Variants in GSTM3 observed in about 807,000 individuals in gnomAD.
The protein encoded by GSTM3 is GST class-mu 3.
A neutral mutation model predicts 36.1 loss-of-function variants in GSTM3; 34 were observed. The observed-to-expected ratio is 0.94, with a 90% CI of 0.72 to 1.25. The LOEUF is 1.25. Among genes scored for constraint, GSTM3 ranks in the 50% most tolerant of loss-of-function variants. The probability of loss-of-function intolerance (pLI) is 0.00; values close to 1 mark genes in which losing one functional copy is unlikely to be tolerated. For synonymous variants in GSTM3, 102 were observed against 99.5 expected (o/e 1.03, Z -0.15); for missense variants, 266 against 281.6 (o/e 0.94, Z 0.40).
At position 109,736,993 on chromosome 1, in the gene GSTM3, T is replaced by C. The variant is rs1465777687; in HGVS notation, c.*78A>G. On this transcript the variant is annotated 3_prime_UTR_variant, in exon 9 of 9. Coordinates refer to ENST00000361066, the MANE Select transcript of GSTM3 (RefSeq NM_000849.5). ...ACACCAGTAACATAAGTGCTATTCA[T>C]TGAAAAGAGCAAAGCAAGAGCGCTG... 8 of 846,670 alleles carry C rather than the reference T, an allele frequency of 9.4e-6. No homozygotes were observed. Among genetic ancestry groups the C allele is most frequent in the Non-Finnish European group, 1.6e-5 (8 of 502,264 alleles). 52.4% of individuals were successfully genotyped at this position (846,670 alleles called of 1,614,324 possible).
chr1:109,737,089 G>T lies in GSTM3; in HGVS notation c.660C>A (p.Gly220=). The part of the protein sequence containing the change: ...MPINNKMAQW[G]NKPVC ...CTCCTGCTCAGCATACAGGCTTGTT[G>T]CCCCACTGGGCCATCTTGTTGTTGA... The change falls in exon 9 of 9, where the codon GGC becomes GGA. Residue 220 remains glycine (G), a synonymous_variant. Transcript: ENST00000361066. 1 of 1,609,516 alleles carries T rather than the reference G, an allele frequency of 6.2e-7. No homozygotes were observed. Among genetic ancestry groups the T allele is most frequent in the Non-Finnish European group, 8.5e-7 (1 of 1,175,766 alleles).
In GSTM3 at chr1:109,737,517, T is replaced by C. The variant is rs1649237207; in HGVS notation, c.519A>G (p.Ile173Met). ...LTYDILDQNR[I>M]FDPKCLDEFP... ...ACTCATCCAGGCACTTGGGGTCAAA[T>C]ATACGGTTCTGATCCAAGATATCAT... The change falls in exon 8 of 9, where the codon ATA becomes ATG. Residue 173 changes from isoleucine to methionine, a missense_variant. By Grantham distance (10) the Ile-to-Met change is conservative. Coordinates refer to ENST00000361066, the MANE Select transcript of GSTM3 (RefSeq NM_000849.5). The C allele has an allele frequency of 2.5e-6, 4 of 1,613,774 alleles. No homozygotes were observed. The highest frequency in any genetic ancestry group is 3.4e-6 in the Non-Finnish European group (4 of 1,179,782).
intron 3 of GSTM3, 115 bp downstream of exon 3, chr1:109,739,718 G>T (rs1649310461): frequency 1.2e-6 from 1 of 800,370 alleles, no homozygotes; most frequent in Non-Finnish European, 2.1e-6. Context: ...TATTCACCCA[G>T]ATTGGGGCAA....
intron 4 of GSTM3, 24 bp downstream of exon 4, chr1:109,739,405 G>A (rs770462521): frequency 2.5e-6 from 4 of 1,570,036 alleles, no homozygotes; most frequent in African/African-American, 2.7e-5. Flanking sequence ...CCTTCTGCCC[G>A]CCACCTCTAC....
rs1055259 is a variant in GSTM3, at chr1:109,734,239, T to C, written c.*2832A>G. 18,230 of 152,256 alleles carry C rather than the reference T, an allele frequency of 0.12. 1,195 individuals carry two copies. The highest frequency in any genetic ancestry group is 0.16 in the South Asian group (759 of 4,826). 9.4% of individuals were successfully genotyped at this position (152,256 alleles called of 1,614,324 possible). On this transcript the variant is annotated 3_prime_UTR_variant, in exon 9 of 9. Coordinates refer to ENST00000361066, the MANE Select transcript of GSTM3 (RefSeq NM_000849.5). ...AATGTCATGTTTAATGACATTATAA[T>C]GAGCTGGGTTAAATTAGGGACATTT...
intron 4 of GSTM3, 54 bp downstream of exon 4, chr1:109,739,375 G>T: frequency 8.3e-7 from 1 of 1,211,422 alleles, no homozygotes; most frequent in Non-Finnish European, 1.2e-6. Context: ...AGGCAAGGAT[G>T]GATATACTTG....
At chr1:109,740,081 G>A in intron 2 of GSTM3, 159 bp downstream of exon 2, 1 of 885,272 alleles carries the variant, frequency 1.1e-6, no homozygotes, top group Non-Finnish European at 1.8e-6. Context: ...CACAGGGCCC[G>A]CGATCCCAGA....
intron 4 of GSTM3, among the ~76,000 whole-genome samples, chr1:109,739,111 A>G (rs1649293833): frequency 6.6e-6 from 1 of 152,194 alleles, no homozygotes; most frequent in Non-Finnish European, 1.5e-5. Context: ...ACAGAGTGAG[A>G]CACTGTCTCA....
rs774505366 is a variant in GSTM3 at position 109,740,289 on chromosome 1, G to A, written c.-2C>T. 5.0e-6 allele frequency: 8 copies of A among 1,613,206 alleles called. No homozygotes were observed. Among genetic ancestry groups the A allele is most frequent in the South Asian group, 1.1e-5 (1 of 90,970 alleles). On this transcript the variant is annotated 5_prime_UTR_variant, in exon 2 of 9. Coordinates refer to ENST00000361066, the MANE Select transcript of GSTM3 (RefSeq NM_000849.5). ...AACCATAGACGACTCGCACGACATGGTGACGGGCTTCCGAGCCTTCGAGGA... is the reference window on the plus strand; with the variant it reads ...AACCATAGACGACTCGCACGACATGATGACGGGCTTCCGAGCCTTCGAGGA...
Position 109,736,807 on chromosome 1 carries a change from T to C in GSTM3, c.*264A>G. On this transcript the variant is annotated 3_prime_UTR_variant, in exon 9 of 9. Coordinates refer to ENST00000361066, the MANE Select transcript of GSTM3 (RefSeq NM_000849.5). ...TCTCCAACTGTGCAATCTCGTTTTT[T>C]CTAGTACCCACTCTCAGGGCTTGGG... The C allele has an allele frequency of 2.4e-6, 1 of 419,616 alleles. No homozygotes were observed. The allele number at this position is 419,616 out of a possible 1,614,324, so 26.0% of individuals were successfully genotyped here. A position where few individuals can be genotyped will look rare whatever the true frequency, so the allele number is the denominator to read the frequency against.
At position 109,736,888 on chromosome 1, in the gene GSTM3, G is replaced by A; in HGVS notation, c.*183C>T. On this transcript the variant is annotated 3_prime_UTR_variant, in exon 9 of 9. Transcript: ENST00000361066. ...GGAGTAGGGAAATGCCAGTATCGCA[G>A]CGATTCAATTCATATCTTGATGATT... 1 of 566,964 alleles carries A rather than the reference G, an allele frequency of 1.8e-6. No individual in the cohort carries two copies. Among genetic ancestry groups the A allele is most frequent in the Non-Finnish European group, 3.2e-6 (1 of 316,640 alleles). The allele number at this position is 566,964 out of a possible 1,614,324, so 35.1% of individuals were successfully genotyped here. A position where few individuals can be genotyped will look rare whatever the true frequency, so the allele number is the denominator to read the frequency against.
At position 109,740,273 on chromosome 1, in the gene GSTM3, C is replaced by T. The variant is rs1467155991; in HGVS notation, c.15G>A (p.Ser5=). 1 of 1,613,540 alleles carries T rather than the reference C, an allele frequency of 6.2e-7. No individual in the cohort carries two copies. ...TATCCCAGTACCCGAGAACCATAGA[C>T]GACTCGCACGACATGGTGACGGGCT... MSCE[S]SMVLGYWDIR... The change falls in exon 2 of 9, where the codon TCG becomes TCA. Residue 5 remains serine (S), a synonymous_variant. Coordinates refer to ENST00000361066, the MANE Select transcript of GSTM3 (RefSeq NM_000849.5).
At chr1:109,738,477 G>A in intron 4 of GSTM3, 111 bp from the exon 5 acceptor site, 1 of 708,680 alleles carries the variant, frequency 1.4e-6, no homozygotes, top group Non-Finnish European at 2.5e-6. Flanking sequence ...GTGAGAAGAT[G>A]CTGTGTTAGG....
chr1:109,737,027 C>A lies in GSTM3; in HGVS notation c.*44G>T, dbSNP rs762286709. ...GCAAAGCAAGAGCGCTGACCCCTTA[C>A]GGACAGGATGAAACAAAACAAGCTC... On this transcript the variant is annotated 3_prime_UTR_variant, in exon 9 of 9. Transcript: ENST00000361066. 8.2e-7 allele frequency: 1 copy of A among 1,224,360 alleles called. No homozygotes were observed. The allele number at this position is 1,224,360 out of a possible 1,614,324, so 75.8% of individuals were successfully genotyped here. A position where few individuals can be genotyped will look rare whatever the true frequency, so the allele number is the denominator to read the frequency against.
At chr1:109,740,027 C>A in intron 2 of GSTM3, 119 bp from the exon 3 acceptor site, 1 of 954,620 alleles carries the variant, frequency 1.0e-6, no homozygotes, top group East Asian at 2.6e-5. Flanking sequence ...GGTGGTTAAG[C>A]GGCCCCTAGG....
chr1:109,739,857 C>A lies in GSTM3; in HGVS notation c.100G>T (p.Glu34Ter). The A allele has an allele frequency of 6.4e-7, 1 of 1,553,858 alleles. No individual in the cohort carries two copies. Among genetic ancestry groups the A allele is most frequent in the Non-Finnish European group, 8.7e-7 (1 of 1,147,878 alleles). ...CCTTCCCCGCACGTGTACCGTTTCTCCTCATAAGAGGTATCCGTGAACTCC... is the reference window on the plus strand; with the variant it reads ...CCTTCCCCGCACGTGTACCGTTTCTACTCATAAGAGGTATCCGTGAACTCC... ...LLEFTDTSYEEKRYTCGEAPD... is the reference protein window; with the variant it reads ...LLEFTDTSYE Residue 34 changes from glutamate (E) to a stop codon, truncating the protein, a stop_gained, in exon 3 of 9, where the codon GAG (glutamate) becomes TAG (stop). Transcript: ENST00000361066. LOFTEE classifies it high-confidence loss of function.
At position 109,737,527 on chromosome 1, in the gene GSTM3, T is replaced by A; in HGVS notation, c.509A>T (p.Gln170Leu). 6.2e-7 allele frequency: 1 copy of A among 1,613,664 alleles called. No homozygotes were observed. Among genetic ancestry groups the A allele is most frequent in the South Asian group, 1.1e-5 (1 of 91,072 alleles). The change falls in exon 8 of 9, where the codon CAG becomes CTG. Residue 170 changes from glutamine to leucine, a missense_variant. By Grantham distance (113) the Gln-to-Leu change is moderately radical. Transcript: ENST00000361066. ...GCACTTGGGGTCAAATATACGGTTC[T>A]GATCCAAGATATCATAGGTGAGAAA... ...VDFLTYDILD[Q>L]NRIFDPKCLD...
At chr1:109,739,751 G>A (rs1450789558) in intron 3 of GSTM3, 82 bp downstream of exon 3, 2 of 1,101,328 alleles carry the variant, frequency 1.8e-6, no homozygotes, top group Non-Finnish European at 2.7e-6. Flanking sequence ...GCCTTGGCGC[G>A]ACGCCACCAC....
chr1:109,737,502 G>A lies in GSTM3; in HGVS notation c.534C>T (p.Cys178=). 6.2e-7 allele frequency: 1 copy of A among 1,613,334 alleles called. No individual in the cohort carries two copies. The highest frequency in any genetic ancestry group is 1.1e-5 in the South Asian group (1 of 91,070). Residue 178 remains cysteine (C), a synonymous_variant, in exon 8 of 9, where the codon TGC becomes TGT. Coordinates refer to ENST00000361066, the MANE Select transcript of GSTM3 (RefSeq NM_000849.5). ...LDQNRIFDPK[C]LDEFPNLKAF... ...CCTTCAGGTTTGGGAACTCATCCAGGCACTTGGGGTCAAATATACGGTTCT... is the reference window on the plus strand; with the variant it reads ...CCTTCAGGTTTGGGAACTCATCCAGACACTTGGGGTCAAATATACGGTTCT...
Sources: allele counts gnomAD v4.1 joint callset (sites outside exome capture counted in the v4.1 genomes callset), GRCh38; gene constraint gnomAD v4.1.1; transcripts MANE v1.5; gene names NCBI Gene and HGNC (gene_info 2026-07-23, HGNC 2026-07-21).